A2M: variants seen among roughly 807,000 people sequenced by gnomAD.
A2M encodes the protein C3 and PZP-like alpha-2-macroglobulin domain-containing protein 5.
Under a neutral mutation model 183.9 loss-of-function variants are expected in A2M, and 128 were observed. The observed-to-expected ratio is 0.70, with a 90% CI of 0.60 to 0.81. A2M has a LOEUF of 0.81. A2M is among the 30% of genes least tolerant of loss of function. A2M has a pLI of 0.00. For missense variants in A2M, 1,495 were observed against 1,787.6 expected (o/e 0.84, Z 2.95); for synonymous variants, 592 against 670.8 (o/e 0.88, Z 1.81).
chr12:9,068,046 G>GT, intron 35 of A2M, 137 bp downstream of exon 35: 1 of 1,112,358 alleles, frequency 9.0e-7, no homozygotes, highest in Non-Finnish European at 1.3e-6. Flanking sequence ...CAATAAATGT[G>GT]TTTTTCTATA....
Position 9,109,887 on chromosome 12 carries a change from G to T in A2M, c.653C>A (p.Pro218His). 6.2e-7 allele frequency: 1 copy of T among 1,608,064 alleles called. No individual in the cohort carries two copies. Among genetic ancestry groups the T allele is most frequent in the Non-Finnish European group, 8.5e-7 (1 of 1,177,716 alleles). Residue 218 changes from proline (P) to histidine (H), a missense_variant, in exon 6 of 36, where the codon CCT (proline) becomes CAT (histidine). Pro to His is a moderately conservative substitution (Grantham distance 77). Coordinates refer to ENST00000318602, the MANE Select transcript of A2M (RefSeq NM_000014.6). ...QKKSGGRTEHPFTVEEFVLPK... is the reference protein window; with the variant it reads ...QKKSGGRTEHHFTVEEFVLPK... Reference sequence around the variant, plus strand: ...CATACCAAATTCCTCCACGGTGAAAGGGTGCTCTGTCCTTCCACCTGATTT... The same window carrying T: ...CATACCAAATTCCTCCACGGTGAAATGGTGCTCTGTCCTTCCACCTGATTT...
chr12:9,072,658 G>C lies in A2M; in HGVS notation c.3970C>G (p.Leu1324Val). 1 of 1,614,008 alleles carries C rather than the reference G, an allele frequency of 6.2e-7. No homozygotes were observed. ...MKVTGEGCVY[L>V]QTSLKYNILP... ...CACCTGCCCAAGAGTCTCACCTGGAGGTAGACACATCCTTCTCCTGTCACT... is the reference window on the plus strand; with the variant it reads ...CACCTGCCCAAGAGTCTCACCTGGACGTAGACACATCCTTCTCCTGTCACT... Residue 1324 changes from leucine (L) to valine (V), a missense_variant, in exon 30 of 36, where the codon CTC (leucine) becomes GTC (valine). By Grantham distance (32) the Leu-to-Val change is conservative. Coordinates refer to ENST00000318602, the MANE Select transcript of A2M (RefSeq NM_000014.6).
At chr12:9,093,967 T>G (rs757342766) in intron 17 of A2M, among the ~76,000 whole-genome samples, 14 of 151,904 alleles carry the variant, frequency 9.2e-5, no homozygotes, top group Non-Finnish European at 1.6e-4. Context: ...AGGAGGGTCA[T>G]AAGCAGAGGC....
At chr12:9,115,921 A>G (rs767507838), upstream of A2M, 3 of 1,296,402 alleles carry the variant, frequency 2.3e-6, no homozygotes, top group East Asian at 7.0e-5. Context: ...TCTGGTCCCA[A>G]ACACTTCCCA....
chr12:9,096,469 G>A (rs1420046956), intron 15 of A2M, among the ~76,000 whole-genome samples: 2 of 152,160 alleles, frequency 1.3e-5, no homozygotes, highest in Admixed American at 6.5e-5. Context: ...ACAGGCACAC[G>A]AATAGGAATA....
chr12:9,074,431 A>T, intron 29 of A2M, 129 bp downstream of exon 29: 2 of 869,578 alleles, frequency 2.3e-6, no homozygotes, highest in East Asian at 2.7e-5. Flanking sequence ...ATCCTTGGAT[A>T]CTGAAAACTT....
intron 22 of A2M, among the ~76,000 whole-genome samples, chr12:9,083,839 C>G (rs1368802147): frequency 6.7e-6 from 1 of 150,332 alleles, no homozygotes; most frequent in Non-Finnish European, 1.5e-5. Flanking sequence ...ACAGAGGTCT[C>G]CAGTGAAATT....
At chr12:9,087,662 A>G (rs1949088769) in intron 22 of A2M, among the ~76,000 whole-genome samples, 1 of 152,156 alleles carries the variant, frequency 6.6e-6, no homozygotes, top group South Asian at 2.1e-4. Flanking sequence ...AAATGTTCCC[A>G]CCACAAAACA....
At chr12:9,082,298 T>C (rs746462210) in intron 22 of A2M, among the ~76,000 whole-genome samples, 1 of 152,292 alleles carries the variant, frequency 6.6e-6, no homozygotes, top group East Asian at 1.9e-4. Context: ...AGGTCCCAAA[T>C]AGCAGAATCA....
At chr12:9,112,729 G>T in intron 2 of A2M, 193 bp from the exon 3 acceptor site, 1 of 584,190 alleles carries the variant, frequency 1.7e-6, no homozygotes, top group Non-Finnish European at 3.0e-6. Context: ...ACAAGGTGGA[G>T]GAAAATAAAT....
At chr12:9,094,619 C>T (rs1260877069) in intron 17 of A2M, among the ~76,000 whole-genome samples, 1 of 151,926 alleles carries the variant, frequency 6.6e-6, no homozygotes, top group African/African-American at 2.4e-5. Context: ...AGAAGTAGCT[C>T]ATGTCATTGA....
At chr12:9,104,740 T>TA (rs1453366063) in intron 10 of A2M, among the ~76,000 whole-genome samples, 1 of 152,212 alleles carries the variant, frequency 6.6e-6, no homozygotes, top group African/African-American at 2.4e-5. Context: ...TGTGTATTAT[T>TA]ATATATAACT....
intron 33 of A2M, among the ~76,000 whole-genome samples, chr12:9,069,311 G>T (rs1449332973): frequency 6.6e-6 from 1 of 152,204 alleles, no homozygotes. Flanking sequence ...TATAAAATCA[G>T]ATTGGTTTAC....
chr12:9,067,743 T>C lies in A2M; in HGVS notation c.*80A>G, dbSNP rs1437773788. 6 of 1,332,044 alleles carry C rather than the reference T, an allele frequency of 4.5e-6. No homozygotes were observed. The highest frequency in any genetic ancestry group is 6.4e-6 in the Non-Finnish European group (6 of 933,164). The allele number at this position is 1,332,044 out of a possible 1,614,324, so 82.5% of individuals were successfully genotyped here. A position where few individuals can be genotyped will look rare whatever the true frequency, so the allele number is the denominator to read the frequency against. ...AGAAAAAGTGTTTATTCATCAAGTC[T>C]TTAAAGATACAAAAACACGTGTCTT... On this transcript the variant is annotated 3_prime_UTR_variant, in exon 36 of 36. Transcript: ENST00000318602.
At chr12:9,099,337 T>G in intron 14 of A2M, 44 bp downstream of exon 14, 1 of 1,519,986 alleles carries the variant, frequency 6.6e-7, no homozygotes, top group Non-Finnish European at 8.9e-7. Context: ...CAATAGTAAC[T>G]TCTAGTTTTA....
intron 34 of A2M, 65 bp from the exon 35 acceptor site, chr12:9,068,289 T>C: frequency 3.3e-6 from 5 of 1,533,820 alleles, no homozygotes; most frequent in East Asian, 2.3e-5. Context: ...AAAGCAAACA[T>C]CTGTGGGATA....
At position 9,074,689 on chromosome 12, in the gene A2M, T is replaced by A. The variant is rs763035586; in HGVS notation, c.3627A>T (p.Thr1209=). The change falls in exon 29 of 36, where the codon ACA becomes ACT. Residue 1209 remains threonine (T), a synonymous_variant. Transcript: ENST00000318602. The part of the protein sequence containing the change: ...PQAPSAEVEM[T]SYVLLAYLTA... ...TGAGATAAGCGAGGAGCACATAGGA[T>A]GTCATCTCCACCTCAGCAGAGGGAG... 6.2e-7 allele frequency: 1 copy of A among 1,614,010 alleles called. No homozygotes were observed. The highest frequency in any genetic ancestry group is 8.5e-7 in the Non-Finnish European group (1 of 1,179,980).
Position 9,106,307 on chromosome 12 carries a change from T to C in A2M, c.1033A>G (p.Arg345Gly). 1 of 1,613,368 alleles carries C rather than the reference T, an allele frequency of 6.2e-7. No individual in the cohort carries two copies. The highest frequency in any genetic ancestry group is 1.3e-5 in the African/African-American group (1 of 75,044). The change falls in exon 10 of 36, where the codon AGA becomes GGA. Residue 345 changes from arginine to glycine, a missense_variant. By Grantham distance (125) the Arg-to-Gly change is moderately radical (BLOSUM62 -2). Coordinates refer to ENST00000318602, the MANE Select transcript of A2M (RefSeq NM_000014.6). Reference protein sequence around the residue: ...LTGRQSSEITRTITKLSFVKV... With the variant: ...LTGRQSSEITGTITKLSFVKV... ...ACAAATGAGAGTTTGGTTATGGTTC[T>C]TGTGATTTCACTGGACTGCCTTCCA...
chr12:9,100,615 TGA>T (rs988487490), intron 13 of A2M, among the ~76,000 whole-genome samples: 3 of 152,032 alleles, frequency 2.0e-5, no homozygotes, highest in African/African-American at 7.2e-5. Context: ...GAAAATAGGC[TGA>T]AAAAAAAGAC....
Sources: gnomAD v4.1 joint callset for allele counts (sites outside exome capture counted in the v4.1 genomes callset) on GRCh38, gnomAD v4.1.1 for gene constraint, MANE v1.5 for transcripts, NCBI Gene and HGNC (gene_info 2026-07-23, HGNC 2026-07-21) for gene names.